The following DNER variants were observed in gnomAD, a reference collection of about 807,000 sequenced individuals.
DNER encodes the protein delta/notch like EGF repeat containing.
Under a neutral mutation model 78.2 loss-of-function variants are expected in DNER, and 33 were observed. The ratio of observed to expected loss-of-function variants is 0.42; its 90% confidence interval spans 0.32 to 0.56. The LOEUF is 0.56. Among genes scored for constraint, DNER ranks in the 20% least tolerant of loss-of-function variants. DNER has a pLI of 0.11. For synonymous variants in DNER, 417 were observed against 384.8 expected (o/e 1.08, Z -0.98); for missense variants, 918 against 975.3 (o/e 0.94, Z 0.78).
At chr2:229,412,444 G>A (rs1186365017) in intron 9 of DNER, among the ~76,000 whole-genome samples, 1 of 152,224 alleles carries the variant, frequency 6.6e-6, no homozygotes, top group Non-Finnish European at 1.5e-5. Context: ...AAAAGAAAAA[G>A]AGCCTATGTA....
In DNER at chr2:229,493,168, G is replaced by A. The variant is rs1181336360; in HGVS notation, c.1148-15915C>T. ...AAGAGTAAATGTGGGAAGGGAACAC[G>A]CGCAACAACATTCCCGTTGCCTCGG... On this transcript the variant is annotated intron_variant, in intron 6 of 12. Transcript: ENST00000341772. Among the ~76,000 whole-genome samples the A allele has an allele frequency of 7.2e-5, 11 of 152,240 alleles. No individual in the cohort carries two copies. The East Asian group carries it at 9.7e-4, about 13-fold the overall frequency.
chr2:229,522,792 G>A (rs139726815), intron 5 of DNER, among the ~76,000 whole-genome samples: 185 of 152,274 alleles, frequency 1.2e-3, no homozygotes, highest in African/African-American at 4.2e-3. Flanking sequence ...CGATGGGGAC[G>A]GAACAGAGGA....
chr2:229,627,467 A>C (rs2024484), intron 1 of DNER, among the ~76,000 whole-genome samples: 145,693 of 152,270 alleles, frequency 0.96, 69,730 homozygotes, highest in East Asian at 1. Context: ...ACCTTTCTAG[A>C]CTTCTGGTTT....
intron 1 of DNER, among the ~76,000 whole-genome samples, chr2:229,659,371 C>T (rs1698967713): frequency 6.6e-6 from 1 of 152,122 alleles, no homozygotes. Flanking sequence ...GCAAGCAAGT[C>T]CCCAACTCTG....
In DNER at chr2:229,714,239, C is replaced by A. The variant is rs1462797107; in HGVS notation, c.185G>T (p.Arg62Leu). The A allele has an allele frequency of 2.1e-6, 3 of 1,416,814 alleles. No individual in the cohort carries two copies. The highest frequency in any genetic ancestry group is 2.8e-6 in the Non-Finnish European group (3 of 1,087,714). 87.8% of individuals were successfully genotyped at this position (1,416,814 alleles called of 1,614,324 possible). Residue 62 changes from arginine to leucine, a missense_variant, in exon 1 of 13, where the codon CGC (arginine) becomes CTC (leucine). Physicochemically the swap from Arg to Leu is moderately radical, Grantham distance 102 (BLOSUM62 -2). Coordinates refer to ENST00000341772, the MANE Select transcript of DNER (RefSeq NM_139072.4). Reference sequence around the variant, plus strand: ...CGGGTGCTGCGGGTCCGGCTCAGGGCGCGAGGTGCACACACCCCCATTCCG... The same window carrying A: ...CGGGTGCTGCGGGTCCGGCTCAGGGAGCGAGGTGCACACACCCCCATTCCG... ...PCRNGGVCTS[R>L]PEPDPQHPAP...
At chr2:229,391,143 CAA>C (rs1359827540) in intron 10 of DNER, among the ~76,000 whole-genome samples, 2 of 152,192 alleles carry the variant, frequency 1.3e-5, no homozygotes, top group East Asian at 1.9e-4. Context: ...CAGTCTTACG[CAA>C]AGTGTTTGAA....
At chr2:229,423,556 A>G (rs141044995) in intron 8 of DNER, among the ~76,000 whole-genome samples, 9,065 of 151,418 alleles carry the variant, frequency 0.06, 931 homozygotes, top group African/African-American at 0.21. Flanking sequence ...CAGAGGTTGC[A>G]GTGCACCAAG....
chr2:229,696,654 G>A (rs556891466), intron 1 of DNER, among the ~76,000 whole-genome samples: 23 of 152,186 alleles, frequency 1.5e-4, no homozygotes, highest in Non-Finnish European at 3.1e-4. Flanking sequence ...GGCCTAGGCT[G>A]AGCCAGAGAA....
intron 8 of DNER, among the ~76,000 whole-genome samples, chr2:229,431,802 G>GA (rs1019429958): frequency 2.0e-5 from 3 of 150,010 alleles, no homozygotes; most frequent in East Asian, 3.9e-4. Flanking sequence ...TAAAAAAAAA[G>GA]AAAAAAAAGA....
intron 7 of DNER, among the ~76,000 whole-genome samples, chr2:229,473,870 G>C (rs1006171473): frequency 3.9e-5 from 6 of 152,142 alleles, no homozygotes; most frequent in African/African-American, 1.4e-4. Flanking sequence ...CAGCATGTCT[G>C]ATGTGAGAAA....
intron 4 of DNER, among the ~76,000 whole-genome samples, chr2:229,578,082 C>T (rs1310855413): frequency 6.6e-6 from 1 of 152,216 alleles, no homozygotes; most frequent in Non-Finnish European, 1.5e-5. Context: ...CGCAGACCCT[C>T]AGCTCTTCAC....
chr2:229,583,202 C>A (rs981923961), intron 4 of DNER, among the ~76,000 whole-genome samples: 10 of 152,228 alleles, frequency 6.6e-5, no homozygotes, highest in African/African-American at 2.4e-4. Context: ...TATACAGATG[C>A]TCCTCAACTT....
At chr2:229,488,389 T>A (rs1444698827) in intron 6 of DNER, among the ~76,000 whole-genome samples, 1 of 152,206 alleles carries the variant, frequency 6.6e-6, no homozygotes, top group Non-Finnish European at 1.5e-5. Flanking sequence ...TGTGTACATG[T>A]TTTGTGTTTG....
rs1693345690 is a variant in DNER at position 229,404,825 on chromosome 2, A to C, written c.1723+2407T>G. ...TTAGAGACTTAAATGCATAAAATTA[A>C]TTCATACATGATTAGCATAATAGAG... On this transcript the variant is annotated intron_variant, in intron 10 of 12. Coordinates refer to ENST00000341772, the MANE Select transcript of DNER (RefSeq NM_139072.4). Among the ~76,000 whole-genome samples the C allele has an allele frequency of 2.0e-5, 3 of 152,238 alleles. No homozygotes were observed. The South Asian group carries it at 6.2e-4, about 32-fold the overall frequency.
At chr2:229,383,792 C>T (rs970668970) in intron 11 of DNER, among the ~76,000 whole-genome samples, 1 of 151,184 alleles carries the variant, frequency 6.6e-6, no homozygotes, top group Admixed American at 6.6e-5. Flanking sequence ...GAGAATTAGA[C>T]TCCCACACAA....
At chr2:229,535,787 G>A (rs991543565) in intron 5 of DNER, among the ~76,000 whole-genome samples, 5 of 152,128 alleles carry the variant, frequency 3.3e-5, no homozygotes, top group Non-Finnish European at 7.4e-5. Context: ...GGGATTACAG[G>A]TGTGCACCAC....
At chr2:229,668,172 T>C (rs1699127196) in intron 1 of DNER, among the ~76,000 whole-genome samples, 1 of 152,060 alleles carries the variant, frequency 6.6e-6, no homozygotes, top group Non-Finnish European at 1.5e-5. Context: ...CCAGTAGGAT[T>C]CACCTAGGGG....
chr2:229,598,211 A>ATG (rs1697760350), intron 1 of DNER, among the ~76,000 whole-genome samples: 2 of 152,226 alleles, frequency 1.3e-5, no homozygotes, highest in Non-Finnish European at 2.9e-5. Context: ...GCCTGGGGAG[A>ATG]CACAGAGGTG....
intron 9 of DNER, among the ~76,000 whole-genome samples, chr2:229,416,792 C>T (rs1203950866): frequency 6.6e-6 from 1 of 152,138 alleles, no homozygotes; most frequent in Non-Finnish European, 1.5e-5. Flanking sequence ...TGACCCCATT[C>T]AGGGTCATCT....
Sources: allele counts gnomAD v4.1 joint callset (sites outside exome capture counted in the v4.1 genomes callset), GRCh38; gene constraint gnomAD v4.1.1; transcripts MANE v1.5; gene names NCBI Gene and HGNC (gene_info 2026-07-23, HGNC 2026-07-21).